HTR2B: variants seen among roughly 807,000 people sequenced by gnomAD.
The protein encoded by HTR2B is 5-hydroxytryptamine receptor 2B.
A neutral mutation model predicts 39.8 loss-of-function variants in HTR2B; 31 were observed. That is an observed-to-expected ratio of 0.78 (90% confidence interval 0.58 to 1.05). The LOEUF is 1.05. HTR2B is among the 50% of genes least tolerant of loss of function. HTR2B has a pLI of 0.00. For synonymous variants in HTR2B, 210 were observed against 207.1 expected (o/e 1.01, Z -0.12); for missense variants, 562 against 578.0 (o/e 0.97, Z 0.28).
At chr2:231,118,846 T>G (rs1209166533) in intron 2 of HTR2B, among the ~76,000 whole-genome samples, 1 of 152,186 alleles carries the variant, frequency 6.6e-6, no homozygotes, top group African/African-American at 2.4e-5. Context: ...TTCCTATAGT[T>G]TACAGAGGTA....
intron 2 of HTR2B, among the ~76,000 whole-genome samples, chr2:231,115,771 G>A (rs1321381534): frequency 6.6e-6 from 1 of 152,130 alleles, no homozygotes; most frequent in African/African-American, 2.4e-5. Context: ...GTGTTATTTA[G>A]AACTGCCACT....
At chr2:231,114,385 C>G (rs1173075585) in intron 2 of HTR2B, among the ~76,000 whole-genome samples, 2 of 152,164 alleles carry the variant, frequency 1.3e-5, no homozygotes, top group Non-Finnish European at 2.9e-5. Context: ...CTCTGTGACA[C>G]CTGGGTTTTG....
chr2:231,109,877 A>G (rs1235253805), intron 3 of HTR2B, among the ~76,000 whole-genome samples: 2 of 152,224 alleles, frequency 1.3e-5, no homozygotes, highest in Non-Finnish European at 2.9e-5. Context: ...TTCATTTAAC[A>G]GTTTTTCCTT....
rs965524736 is a variant in HTR2B, at chr2:231,108,607, G to T, written c.1356C>A (p.Thr452=). 2 of 1,613,686 alleles carry T rather than the reference G, an allele frequency of 1.2e-6. No homozygotes were observed. The highest frequency in any genetic ancestry group is 2.7e-5 in the African/African-American group (2 of 74,896). ...GTAGAATGATTGATGAAGACTGAAT[G>T]GTTGAACTTCGGAGCCTCATTGGAC... is the stretch of plus-strand genomic sequence containing the variant. ...YQSPMRLRSS[T]IQSSSIILLD... Residue 452 remains threonine (T), a synonymous_variant, in exon 4 of 4, where the codon ACC becomes ACA. Coordinates refer to ENST00000258400, the MANE Select transcript of HTR2B (RefSeq NM_000867.5).
chr2:231,108,974 AAC>A lies in HTR2B; in HGVS notation c.987_988del (p.Phe331ProfsTer20), dbSNP rs1424793179. 5.0e-6 allele frequency: 8 copies of A among 1,614,192 alleles called. No homozygotes were observed. Among genetic ancestry groups the A allele is most frequent in the Non-Finnish European group, 6.8e-6 (8 of 1,180,022 alleles). ...ACACCACATAAGCAAAAAGAGGAAA[AAC>A]ACAATCCCTAGGACCTTTGAGGCTC... On this transcript the variant is annotated frameshift_variant, in exon 4 of 4. Coordinates refer to ENST00000258400, the MANE Select transcript of HTR2B (RefSeq NM_000867.5). LOFTEE classifies it high-confidence loss of function.
chr2:231,124,161 T>C lies in HTR2B; in HGVS notation c.-366-31A>G, dbSNP rs777634745. Reference sequence around the variant, plus strand: ...TACAAAATACATAGACTGCATTATTTTATTCATTTCTGAAAGTGGTAAAAA... The same window carrying C: ...TACAAAATACATAGACTGCATTATTCTATTCATTTCTGAAAGTGGTAAAAA... On this transcript the variant is annotated intron_variant, in intron 1 of 3. Transcript: ENST00000258400. 8.2e-5 allele frequency: 16 copies of C among 196,118 alleles called. 1 individual carries two copies. The South Asian group carries it at 1.5e-3, about 18-fold the overall frequency. The allele number at this position is 196,118 out of a possible 1,614,324, so 12.1% of individuals were successfully genotyped here. A position where few individuals can be genotyped will look rare whatever the true frequency, so the allele number is the denominator to read the frequency against.
intron 2 of HTR2B, among the ~76,000 whole-genome samples, chr2:231,115,332 G>T (rs957547072): frequency 6.6e-6 from 1 of 152,118 alleles, no homozygotes; most frequent in Non-Finnish European, 1.5e-5. Context: ...TATCCAGAAG[G>T]TAGCAAGGCT....
intron 2 of HTR2B, among the ~76,000 whole-genome samples, chr2:231,122,889 G>A (rs1241475207): frequency 6.6e-6 from 1 of 152,064 alleles, no homozygotes; most frequent in Non-Finnish European, 1.5e-5. Context: ...CACATATGTA[G>A]GAATTGTGTT....
At chr2:231,115,099 C>T (rs1473278890) in intron 2 of HTR2B, among the ~76,000 whole-genome samples, 1 of 151,722 alleles carries the variant, frequency 6.6e-6, no homozygotes, top group Non-Finnish European at 1.5e-5. Context: ...GAATAATCAT[C>T]TCAGGATTAC....
At chr2:231,112,254 C>T (rs116535930) in intron 3 of HTR2B, among the ~76,000 whole-genome samples, 1,866 of 152,286 alleles carry the variant, frequency 0.012, 12 homozygotes, top group Non-Finnish European at 0.019. Flanking sequence ...TTTTCCTCCT[C>T]TGCACTTCAA....
intron 2 of HTR2B, among the ~76,000 whole-genome samples, chr2:231,115,739 G>A (rs997004107): frequency 7.2e-5 from 11 of 152,090 alleles, no homozygotes; most frequent in Non-Finnish European, 1.5e-4. Context: ...TTTATTTATT[G>A]AAATGTAAAT....
chr2:231,115,716 A>G (rs76415914), intron 2 of HTR2B, among the ~76,000 whole-genome samples: 3,377 of 152,228 alleles, frequency 0.022, 138 homozygotes, highest in African/African-American at 0.077. Context: ...TATAGAGGTA[A>G]GGAGGGGAGG....
At chr2:231,120,098 C>T (rs553370828) in intron 2 of HTR2B, among the ~76,000 whole-genome samples, 2 of 151,912 alleles carry the variant, frequency 1.3e-5, no homozygotes, top group South Asian at 4.2e-4. Flanking sequence ...ACTACAGGCG[C>T]GTACCACCAT....
At chr2:231,113,588 A>G (rs969307063) in intron 3 of HTR2B, 141 bp downstream of exon 3, 4 of 787,828 alleles carry the variant, frequency 5.1e-6, no homozygotes, top group African/African-American at 1.7e-5. Context: ...ATGCAGTGAC[A>G]TAAGGAGCTT....
rs1004134952 is a variant in HTR2B at position 231,108,781 on chromosome 2, A to G, written c.1182T>C (p.Tyr394=). Residue 394 remains tyrosine (Y), a synonymous_variant, in exon 4 of 4, where the codon TAT becomes TAC. Transcript: ENST00000258400. ...NKTFRDAFGR[Y]ITCNYRATKS... ...TTGTGGCCCGGTAATTGCAGGTGATATATCGGCCAAATGCATCCCGAAATG... is the reference window on the plus strand; with the variant it reads ...TTGTGGCCCGGTAATTGCAGGTGATGTATCGGCCAAATGCATCCCGAAATG... 26 of 1,613,994 alleles carry G rather than the reference A, an allele frequency of 1.6e-5. No homozygotes were observed. Among genetic ancestry groups the G allele is most frequent in the Admixed American group, 3.3e-5 (2 of 59,998 alleles).
chr2:231,111,876 T>A (rs954656128), intron 3 of HTR2B, among the ~76,000 whole-genome samples: 61 of 152,338 alleles, frequency 4.0e-4, no homozygotes, highest in Non-Finnish European at 6.5e-4. Flanking sequence ...TTAGTGTAAT[T>A]TGTTTATATG....
At chr2:231,121,408 G>A (rs1180045059) in intron 2 of HTR2B, among the ~76,000 whole-genome samples, 1 of 151,592 alleles carries the variant, frequency 6.6e-6, no homozygotes, top group African/African-American at 2.4e-5. Flanking sequence ...ATAAACATTT[G>A]GAAGAATGAA....
Position 231,113,845 on chromosome 2 carries a change from A to G in HTR2B, c.437T>C (p.Leu146Pro). The stretch of plus-strand genomic sequence containing the variant: ...GTAACGATCCACTGAAATGGCACAG[A>G]GATGCATGATGGATGCGGTTGAAAA... ...VLFSTASIMH[L>P]CAISVDRYIA... The change falls in exon 3 of 4, where the codon CTC becomes CCC. Residue 146 changes from leucine to proline, a missense_variant. By Grantham distance (98) the Leu-to-Pro change is moderately conservative. Coordinates refer to ENST00000258400, the MANE Select transcript of HTR2B (RefSeq NM_000867.5). The G allele has an allele frequency of 6.2e-7, 1 of 1,614,186 alleles. No individual in the cohort carries two copies. Among genetic ancestry groups the G allele is most frequent in the South Asian group, 1.1e-5 (1 of 91,086 alleles).
intron 2 of HTR2B, among the ~76,000 whole-genome samples, chr2:231,120,754 G>A (rs547295572): frequency 5.2e-4 from 79 of 152,206 alleles, no homozygotes; most frequent in Non-Finnish European, 9.1e-4. Flanking sequence ...ATTCCCCTGC[G>A]ATAGCTAAAA....
Sources: allele counts gnomAD v4.1 joint callset (sites outside exome capture counted in the v4.1 genomes callset), GRCh38; gene constraint gnomAD v4.1.1; transcripts MANE v1.5; gene names NCBI Gene and HGNC (gene_info 2026-07-23, HGNC 2026-07-21).